The following DNAH11 variants were observed in gnomAD, a reference collection of about 807,000 sequenced individuals.
The protein encoded by DNAH11 is dynein axonemal heavy chain 11, also known as axonemal beta dynein heavy chain 11.
A neutral mutation model predicts 526.0 loss-of-function variants in DNAH11; 442 were observed. That is an observed-to-expected ratio of 0.84 (90% confidence interval 0.78 to 0.91). DNAH11 has a LOEUF of 0.91. DNAH11 is among the 40% of genes least tolerant of loss of function. The probability of loss-of-function intolerance (pLI) is 0.00; values close to 1 mark genes in which losing one functional copy is unlikely to be tolerated. For synonymous variants in DNAH11, 2,461 were observed against 1,935.9 expected, an observed-to-expected ratio of 1.27 and a Z score of -7.12; for missense variants, 6,989 against 5,448.7, an observed-to-expected ratio of 1.28 and a Z score of -8.90.
intron 25 of DNAH11, among the ~76,000 whole-genome samples, chr7:21,630,458 C>G (rs1000835021): frequency 2.2e-4 from 33 of 152,222 alleles, no homozygotes; most frequent in African/African-American, 7.7e-4. Context: ...TTTTCTATTT[C>G]AGATTGAAGA....
rs1226718157 is a variant in DNAH11 at position 21,901,105 on chromosome 7, G to A, written c.13402G>A (p.Asp4468Asn). 1.2e-6 allele frequency: 2 copies of A among 1,613,426 alleles called. No individual in the cohort carries two copies. The highest frequency in any genetic ancestry group is 1.7e-5 in the Admixed American group (1 of 59,920). The change falls in exon 82 of 82, where the codon GAC (aspartate) becomes AAC (asparagine). Residue 4468 changes from aspartate (D) to asparagine (N), a missense_variant. Coordinates refer to ENST00000409508, the MANE Select transcript of DNAH11 (RefSeq NM_001277115.2). ...PVIFAKATPV[D>N]RQETKQTYEC... The stretch of plus-strand genomic sequence containing the variant: ...CATCTTTGCAAAAGCCACCCCCGTG[G>A]ACAGACAAGAAACCAAACAGACCTA...
intron 57 of DNAH11, among the ~76,000 whole-genome samples, chr7:21,783,804 C>G (rs191377149): frequency 6.6e-6 from 1 of 152,222 alleles, no homozygotes; most frequent in Non-Finnish European, 1.5e-5. Context: ...TGTTATTGTT[C>G]CAATACCGAA....
chr7:21,859,660 C>G (rs1583782239), intron 68 of DNAH11, among the ~76,000 whole-genome samples: 1 of 152,136 alleles, frequency 6.6e-6, no homozygotes, highest in Admixed American at 6.5e-5. Flanking sequence ...TCTGTGGTCT[C>G]TGGTCCCTAT....
chr7:21,699,586 C>T (rs893412008), intron 36 of DNAH11, among the ~76,000 whole-genome samples: 4 of 152,030 alleles, frequency 2.6e-5, no homozygotes, highest in African/African-American at 9.7e-5. Flanking sequence ...TTATGTTGTC[C>T]TTTTAGTAAC....
chr7:21,899,471 C>G, intron 80 of DNAH11, 23 bp downstream of exon 80: 1 of 1,572,802 alleles, frequency 6.4e-7, no homozygotes, highest in South Asian at 1.1e-5. Flanking sequence ...GCAGTGCAGC[C>G]CCTGATGCAC....
At chr7:21,624,513 C>T (rs1173650698) in intron 25 of DNAH11, among the ~76,000 whole-genome samples, 1 of 152,144 alleles carries the variant, frequency 6.6e-6, no homozygotes, top group Non-Finnish European at 1.5e-5. Context: ...AACAGACACA[C>T]TTTCACTTCT....
chr7:21,792,801 T>C (rs1788534003), intron 61 of DNAH11, among the ~76,000 whole-genome samples: 1 of 152,126 alleles, frequency 6.6e-6, no homozygotes, highest in Non-Finnish European at 1.5e-5. Context: ...TATAGGTTAG[T>C]TGATTTTGTT....
chr7:21,876,499 G>A (rs1210352265), intron 74 of DNAH11, among the ~76,000 whole-genome samples: 1 of 152,224 alleles, frequency 6.6e-6, no homozygotes, highest in Admixed American at 6.5e-5. Flanking sequence ...TTATCAGTTA[G>A]AATGTTGGGT....
At chr7:21,549,183 A>C (rs1290055284) in intron 2 of DNAH11, among the ~76,000 whole-genome samples, 1 of 152,180 alleles carries the variant, frequency 6.6e-6, no homozygotes, top group Non-Finnish European at 1.5e-5. Flanking sequence ...CTGGCCAATG[A>C]CAGACTTTTA....
chr7:21,693,348 A>G (rs1783708701), intron 35 of DNAH11, among the ~76,000 whole-genome samples: 1 of 152,212 alleles, frequency 6.6e-6, no homozygotes, highest in African/African-American at 2.4e-5. Context: ...TATTTTATTA[A>G]TAGGTACTGC....
intron 42 of DNAH11, among the ~76,000 whole-genome samples, chr7:21,717,272 G>A (rs1327299360): frequency 6.6e-6 from 1 of 151,830 alleles, no homozygotes; most frequent in African/African-American, 2.4e-5. Flanking sequence ...TTGGAAACTC[G>A]TTAGCAGCTA....
intron 36 of DNAH11, among the ~76,000 whole-genome samples, chr7:21,701,955 C>G (rs1000654316): frequency 4.6e-5 from 7 of 152,054 alleles, no homozygotes; most frequent in Non-Finnish European, 7.4e-5. Context: ...CCCGTGTAAG[C>G]AGTTAGTTCG....
rs563464960 is a variant in DNAH11 at position 21,549,923 on chromosome 7, G to A, written c.495+4774G>A. On this transcript the variant is annotated intron_variant, in intron 2 of 81. Coordinates refer to ENST00000409508, the MANE Select transcript of DNAH11 (RefSeq NM_001277115.2). ...CAGGCATTAAATCTTATAGTTTGGG[G>A]TGCTACCGTCTTGGTTACATTAATA... Among the ~76,000 whole-genome samples the A allele has an allele frequency of 3.0e-4, 46 of 152,250 alleles. 2 individuals carry two copies. Among genetic ancestry groups the A allele is most frequent in the Admixed American group, 2.3e-3 (35 of 15,304 alleles).
chr7:21,679,604 T>C (rs901369957), intron 30 of DNAH11, among the ~76,000 whole-genome samples: 1 of 152,162 alleles, frequency 6.6e-6, no homozygotes, highest in African/African-American at 2.4e-5. Context: ...AGGGGACATA[T>C]ATTAATATTT....
At position 21,570,105 on chromosome 7, in the gene DNAH11, G is replaced by A. The variant is rs769216360; in HGVS notation, c.1231G>A (p.Gly411Arg). ...AYLSPEDLLR[G>R]EIEESLEKVQ... ...CCTTTCACCTGAGGACCTTTTGAGG[G>A]GAGAAATAGAAGAGTCACTGGAAAA... Residue 411 changes from glycine (G) to arginine (R), a missense_variant, in exon 7 of 82, where the codon GGA (glycine) becomes AGA (arginine). Coordinates refer to ENST00000409508, the MANE Select transcript of DNAH11 (RefSeq NM_001277115.2). The A allele has an allele frequency of 3.1e-6, 5 of 1,611,826 alleles. No homozygotes were observed. The highest frequency in any genetic ancestry group is 3.4e-6 in the Non-Finnish European group (4 of 1,178,932).
At chr7:21,874,090 C>A (rs755210598) in intron 74 of DNAH11, among the ~76,000 whole-genome samples, 1 of 151,642 alleles carries the variant, frequency 6.6e-6, no homozygotes, top group African/African-American at 2.4e-5. Context: ...CGCGCCTGGC[C>A]GGAACTTGCT....
chr7:21,578,265 C>T (rs1211088084), intron 8 of DNAH11, among the ~76,000 whole-genome samples: 1 of 152,174 alleles, frequency 6.6e-6, no homozygotes, highest in Non-Finnish European at 1.5e-5. Context: ...GTAAATATTC[C>T]CCTTCCAAAT....
At position 21,689,574 on chromosome 7, in the gene DNAH11, A is replaced by G. The variant is rs549888077; in HGVS notation, c.5925-1191A>G. Among the ~76,000 whole-genome samples, 435 of 152,348 alleles carry G rather than the reference A, an allele frequency of 2.9e-3. 4 individuals are homozygous for G. The Middle Eastern group carries it at 0.031, about 11-fold the overall frequency. Reference sequence around the variant, plus strand: ...TCCCTCCTGTGTACAATGGGAGAAGAGGCAGTTATTCTGTGGCAAGAGCCA... The same window carrying G: ...TCCCTCCTGTGTACAATGGGAGAAGGGGCAGTTATTCTGTGGCAAGAGCCA... On this transcript the variant is annotated intron_variant, in intron 34 of 81. Coordinates refer to ENST00000409508, the MANE Select transcript of DNAH11 (RefSeq NM_001277115.2).
At chr7:21,642,231 T>A (rs1044870743) in intron 28 of DNAH11, among the ~76,000 whole-genome samples, 1 of 150,862 alleles carries the variant, frequency 6.6e-6, no homozygotes, top group African/African-American at 2.5e-5. Flanking sequence ...CATAAAATGC[T>A]ATCACACTGT....
Sources: allele counts gnomAD v4.1 joint callset (sites outside exome capture counted in the v4.1 genomes callset), GRCh38; gene constraint gnomAD v4.1.1; transcripts MANE v1.5; gene names NCBI Gene and HGNC (gene_info 2026-07-23, HGNC 2026-07-21).